Variants in GSG1L observed in about 807,000 individuals in gnomAD.
The protein encoded by GSG1L is germ cell-specific gene 1-like protein.
GSG1L carries 24 observed loss-of-function variants against 42.1 expected under a neutral mutation model. That is an observed-to-expected ratio of 0.57 (90% CI 0.41 to 0.80). GSG1L has a LOEUF of 0.80. Among genes scored for constraint, GSG1L ranks in the 30% least tolerant of loss-of-function variants. The pLI, the probability that GSG1L is intolerant of heterozygous loss-of-function variation, is 0.00. For synonymous variants in GSG1L, 215 were observed against 203.5 expected (o/e 1.06, Z -0.48); for missense variants, 445 against 472.2 (o/e 0.94, Z 0.53).
intron 1 of GSG1L, among the ~76,000 whole-genome samples, chr16:28,020,951 A>C (rs1393282640): frequency 6.6e-6 from 1 of 152,150 alleles, no homozygotes; most frequent in Non-Finnish European, 1.5e-5. Context: ...GAGACCCCCA[A>C]CCCAGAACTG....
At chr16:27,846,578 G>A (rs1006399016) in intron 3 of GSG1L, among the ~76,000 whole-genome samples, 8 of 152,182 alleles carry the variant, frequency 5.3e-5, no homozygotes, top group African/African-American at 1.9e-4. Flanking sequence ...CATGCTTTAA[G>A]GAAATTCAAT....
intron 1 of GSG1L, among the ~76,000 whole-genome samples, chr16:27,989,803 T>C (rs7198103): frequency 0.44 from 66,852 of 151,648 alleles, 17,000 homozygotes; most frequent in East Asian, 0.76. Context: ...TGTTTAACTT[T>C]CTTTGAGTTG....
chr16:27,857,484 G>A lies in GSG1L; in HGVS notation c.551-12423C>T, dbSNP rs140168625. Among the ~76,000 whole-genome samples, 747 of 151,658 alleles carry A rather than the reference G, an allele frequency of 4.9e-3. 4 individuals carry two copies. Among genetic ancestry groups the A allele is most frequent in the African/African-American group, 0.017 (701 of 41,338 alleles). ...GGGCCAGGTGCGATGGTTCACTCCT[G>A]TAATCCCAGCATTTTGGGAGGCCAA... On this transcript the variant is annotated intron_variant, in intron 3 of 6. Coordinates refer to ENST00000447459, the MANE Select transcript of GSG1L (RefSeq NM_001109763.2).
At chr16:27,883,890 C>A (rs1225724330) in intron 3 of GSG1L, among the ~76,000 whole-genome samples, 1 of 152,212 alleles carries the variant, frequency 6.6e-6, no homozygotes, top group South Asian at 2.1e-4. Flanking sequence ...GTTGACTGTC[C>A]CATTCTTCCT....
At chr16:27,843,426 C>A (rs998270044) in intron 4 of GSG1L, among the ~76,000 whole-genome samples, 1 of 150,124 alleles carries the variant, frequency 6.7e-6, no homozygotes, top group African/African-American at 2.5e-5. Context: ...GAAAGAAACC[C>A]TATCTCTCTG....
intron 1 of GSG1L, among the ~76,000 whole-genome samples, chr16:28,058,804 A>T (rs565769858): frequency 3.3e-4 from 51 of 152,302 alleles, no homozygotes; most frequent in African/African-American, 1.2e-3. Context: ...GTGACACTGT[A>T]GCAGCATAAT....
intron 3 of GSG1L, among the ~76,000 whole-genome samples, chr16:27,865,523 C>CTATATA (rs1172385916): frequency 1.2e-3 from 67 of 58,156 alleles, no homozygotes; most frequent in Non-Finnish European, 1.7e-3. Flanking sequence ...CTCTCTCTTT[C>CTATATA]TATATATATA....
chr16:27,887,017 G>T (rs1245459088), intron 2 of GSG1L, among the ~76,000 whole-genome samples: 3 of 151,794 alleles, frequency 2.0e-5, no homozygotes, highest in Non-Finnish European at 4.4e-5. Context: ...GCACAGTGGT[G>T]TGATCATAGC....
chr16:27,791,423 G>C lies in GSG1L; in HGVS notation c.943C>G (p.Gln315Glu). 6.5e-7 allele frequency: 1 copy of C among 1,529,084 alleles called. No homozygotes were observed. Among genetic ancestry groups the C allele is most frequent in the African/African-American group, 1.4e-5 (1 of 71,870 alleles). The allele number at this position is 1,529,084 out of a possible 1,614,324, so 94.7% of individuals were successfully genotyped here. A position where few individuals can be genotyped will look rare whatever the true frequency, so the allele number is the denominator to read the frequency against. ...MADSWPRSSA[Q>E]EAPELNRQCW... ...TGTCGGTTCAGCTCTGGTGCTTCCTGTGCGGAGCTCCGGGGCCAGGAATCC... is the reference window on the plus strand; with the variant it reads ...TGTCGGTTCAGCTCTGGTGCTTCCTCTGCGGAGCTCCGGGGCCAGGAATCC... Residue 315 changes from glutamine (Q) to glutamate (E), a missense_variant, in exon 7 of 7, where the codon CAG becomes GAG. Around this residue, in one of 3 missense-constraint regions of GSG1L, gnomAD observed 140 missense variants for 120.6 expected, o/e 1.16. Coordinates refer to ENST00000447459, the MANE Select transcript of GSG1L (RefSeq NM_001109763.2).
At position 27,882,661 on chromosome 16, in the gene GSG1L, T is replaced by A. The variant is rs78703013; in HGVS notation, c.550+1825A>T. Among the ~76,000 whole-genome samples the A allele has an allele frequency of 3.7e-4, 57 of 152,308 alleles. No individual in the cohort carries two copies. In the East Asian group the frequency reaches 7.5e-3, roughly 20 times the overall value. The stretch of plus-strand genomic sequence containing the variant: ...CAGACTCTTACTTATTTTCCAAGTC[T>A]CACTCAAATGTTGCCTTCCCCATGC... On this transcript the variant is annotated intron_variant, in intron 3 of 6. Transcript: ENST00000447459.
intron 1 of GSG1L, among the ~76,000 whole-genome samples, chr16:28,028,502 CA>C (rs1320150561): frequency 6.6e-6 from 1 of 151,772 alleles, no homozygotes; most frequent in Non-Finnish European, 1.5e-5. Context: ...TCCACAGTAA[CA>C]ATATAACAAT....
intron 3 of GSG1L, among the ~76,000 whole-genome samples, chr16:27,845,631 C>T (rs1238781996): frequency 6.6e-6 from 1 of 152,154 alleles, no homozygotes; most frequent in Non-Finnish European, 1.5e-5. Context: ...AGACTTTCCA[C>T]TCTTTTAAGA....
Position 27,807,488 on chromosome 16 carries a change from G to A in GSG1L, c.897C>T (p.Ala299=), listed in dbSNP as rs2082979036. The change falls in exon 6 of 7, where the codon GCC becomes GCT. Residue 299 remains alanine (A), a splice_region_variant and synonymous_variant. Transcript: ENST00000447459. The stretch of plus-strand genomic sequence containing the variant: ...GATACCCACAAACAGGCCACTTACG[G>A]GCAGGGTATCTCTCGTGGCGGCAGT... ...HLDCRHERYP[A]RHQPHMADSW... 6.2e-7 allele frequency: 1 copy of A among 1,612,514 alleles called. No individual in the cohort carries two copies. Among genetic ancestry groups the A allele is most frequent in the Non-Finnish European group, 8.5e-7 (1 of 1,179,240 alleles).
intron 5 of GSG1L, among the ~76,000 whole-genome samples, chr16:27,826,740 C>A (rs772491373): frequency 6.6e-6 from 1 of 152,196 alleles, no homozygotes; most frequent in Non-Finnish European, 1.5e-5. Context: ...GTATCAGTCT[C>A]CTGGGCATTC....
At chr16:28,017,713 A>C (rs1215522714) in intron 1 of GSG1L, among the ~76,000 whole-genome samples, 3 of 152,250 alleles carry the variant, frequency 2.0e-5, no homozygotes, top group African/African-American at 7.2e-5. Flanking sequence ...CAGAGGGCAA[A>C]AGAAGCAACT....
intron 1 of GSG1L, among the ~76,000 whole-genome samples, chr16:28,001,011 A>C (rs1567550763): frequency 2.0e-5 from 3 of 152,082 alleles, no homozygotes. Flanking sequence ...TTCAGGGCTG[A>C]TTATTCAGGG....
rs1056366588 is a variant in GSG1L, at chr16:27,841,117, T to C, written c.662+3833A>G. Among the ~76,000 whole-genome samples the C allele has an allele frequency of 3.9e-5, 6 of 152,202 alleles. No homozygotes were observed. The South Asian group carries it at 1.0e-3, about 26-fold the overall frequency. On this transcript the variant is annotated intron_variant, in intron 4 of 6. Transcript: ENST00000447459. ...ACCTCAACAGAGAAATGGAATACAA[T>C]TCAAGAGACCCCCATGAGGCGGAAA...
intron 1 of GSG1L, among the ~76,000 whole-genome samples, chr16:28,046,733 C>A (rs1439165379): frequency 6.6e-6 from 1 of 152,118 alleles, no homozygotes; most frequent in Non-Finnish European, 1.5e-5. Flanking sequence ...TGCACTCTGG[C>A]GCATCAGCCT....
At chr16:27,845,667 C>T (rs966883024) in intron 3 of GSG1L, among the ~76,000 whole-genome samples, 1 of 152,142 alleles carries the variant, frequency 6.6e-6, no homozygotes, top group Non-Finnish European at 1.5e-5. Context: ...TGCCTGGCTG[C>T]TAATGGGAGA....
Sources: allele counts gnomAD v4.1 joint callset (sites outside exome capture counted in the v4.1 genomes callset), GRCh38; gene constraint gnomAD v4.1.1; regional missense constraint gnomAD v4.1.1; transcripts MANE v1.5; gene names NCBI Gene and HGNC (gene_info 2026-07-23, HGNC 2026-07-21).